PPM1E: variants seen among roughly 807,000 people sequenced by gnomAD.
PPM1E encodes the protein protein phosphatase 1E.
PPM1E carries 20 observed loss-of-function variants against 65.9 expected under a neutral mutation model. The ratio of observed to expected loss-of-function variants is 0.30; its 90% confidence interval spans 0.21 to 0.44. The LOEUF is 0.44. Among genes scored for constraint, PPM1E ranks in the 20% least tolerant of loss-of-function variants. The pLI is 1.00. For synonymous variants in PPM1E, 352 were observed against 374.9 expected (o/e 0.94, Z 0.70); for missense variants, 713 against 953.1 (o/e 0.75, Z 3.32).
At chr17:58,772,453 TA>T (rs879480951) in intron 1 of PPM1E, among the ~76,000 whole-genome samples, 732 of 139,148 alleles carry the variant, frequency 5.3e-3, no homozygotes, top group Admixed American at 4.8e-3. Context: ...AGACTCCATC[TA>T]AAAAAAAAAA....
At chr17:58,792,930 T>G (rs1389080176) in intron 1 of PPM1E, among the ~76,000 whole-genome samples, 1 of 151,034 alleles carries the variant, frequency 6.6e-6, no homozygotes, top group East Asian at 2.0e-4. Context: ...ATTTTTGTAT[T>G]TTTAGTAGAG....
At chr17:58,816,917 T>C (rs2050432178) in intron 1 of PPM1E, among the ~76,000 whole-genome samples, 1 of 149,970 alleles carries the variant, frequency 6.7e-6, no homozygotes, top group Non-Finnish European at 1.5e-5. Flanking sequence ...CACCTCAGCC[T>C]CCTGAGTAGC....
In PPM1E at chr17:58,841,020, G is replaced by GATATT. The variant is rs1451925869; in HGVS notation, c.464+84560_464+84564dup. ...TGTAGAACAAGGTATTCGGGAACAG[G>GATATT]ATATTGTGCAAACGGGATGTTTGTA... is the stretch of plus-strand genomic sequence containing the variant. On this transcript the variant is annotated intron_variant, in intron 1 of 6. Transcript: ENST00000308249. 4.6e-5 allele frequency among the ~76,000 whole-genome samples: 7 copies of GATATT among 152,290 alleles called. No homozygotes were observed. In the East Asian group the frequency reaches 1.4e-3, roughly 29 times the overall value.
At chr17:58,823,720 A>G (rs2050503547) in intron 1 of PPM1E, among the ~76,000 whole-genome samples, 1 of 152,162 alleles carries the variant, frequency 6.6e-6, no homozygotes, top group Admixed American at 6.6e-5. Context: ...GAGGTGCAGA[A>G]TTTAAATTTA....
At chr17:58,767,645 T>G (rs1026387388) in intron 1 of PPM1E, among the ~76,000 whole-genome samples, 3 of 152,082 alleles carry the variant, frequency 2.0e-5, no homozygotes, top group Non-Finnish European at 2.9e-5. Flanking sequence ...AATTATTTAT[T>G]TATTTATTTA....
At chr17:58,805,233 T>C (rs893078187) in intron 1 of PPM1E, among the ~76,000 whole-genome samples, 2 of 152,256 alleles carry the variant, frequency 1.3e-5, no homozygotes, top group Admixed American at 1.3e-4. Context: ...GTATACACTA[T>C]ACCCAATGTG....
rs919919439 is a variant in PPM1E at position 58,983,079 on chromosome 17, A to G, written c.*2048A>G. The G allele has an allele frequency of 1.6e-6, 1 of 632,764 alleles. No homozygotes were observed. The highest frequency in any genetic ancestry group is 1.9e-5 in the African/African-American group (1 of 53,836). 39.2% of individuals were successfully genotyped at this position (632,764 alleles called of 1,614,324 possible). A position where few individuals can be genotyped will look rare whatever the true frequency, so the allele number is the denominator to read the frequency against. On this transcript the variant is annotated 3_prime_UTR_variant, in exon 7 of 7. Coordinates refer to ENST00000308249, the MANE Select transcript of PPM1E (RefSeq NM_014906.5). ...GAGGGTAAAGGGAAAAAGTTACTAC[A>G]CATGCTAGGCTTTCTCAGTGGGGAA...
intron 1 of PPM1E, among the ~76,000 whole-genome samples, chr17:58,868,730 C>G (rs1321435199): frequency 6.6e-6 from 1 of 151,984 alleles, no homozygotes; most frequent in Non-Finnish European, 1.5e-5. Flanking sequence ...TCCTTTTCTT[C>G]CTTGGTTAGG....
intron 1 of PPM1E, among the ~76,000 whole-genome samples, chr17:58,830,427 C>G (rs934195899): frequency 1.1e-4 from 16 of 151,814 alleles, no homozygotes; most frequent in African/African-American, 3.6e-4. Context: ...CCTGCCTCAG[C>G]CTCCCGAGTA....
At chr17:58,770,472 C>T (rs1412475380) in intron 1 of PPM1E, among the ~76,000 whole-genome samples, 2 of 152,030 alleles carry the variant, frequency 1.3e-5, no homozygotes, top group Non-Finnish European at 2.9e-5. Flanking sequence ...CTGTAGTACA[C>T]TATGATTGCA....
At chr17:58,917,548 C>T (rs2051698498) in intron 1 of PPM1E, among the ~76,000 whole-genome samples, 1 of 152,218 alleles carries the variant, frequency 6.6e-6, no homozygotes, top group African/African-American at 2.4e-5. Context: ...GACAGTAGCT[C>T]TCTGCAATCA....
In PPM1E at chr17:58,980,831, T is replaced by C. The variant is rs780412050; in HGVS notation, c.2068T>C (p.Phe690Leu). 1.5e-5 allele frequency: 25 copies of C among 1,614,036 alleles called. 1 individual carries two copies. The East Asian group carries it at 2.4e-4, about 16-fold the overall frequency. Residue 690 changes from phenylalanine to leucine, a missense_variant, in exon 7 of 7, where the codon TTT becomes CTT. By Grantham distance (22) the Phe-to-Leu change is conservative. This residue lies in a region of PPM1E where 286 missense variants were observed against 313.8 expected (regional missense o/e 0.91). Coordinates refer to ENST00000308249, the MANE Select transcript of PPM1E (RefSeq NM_014906.5). The surrounding 1 kb of genome is among the most constrained non-coding windows in gnomAD (Gnocchi z 4.7). ...RFRFNPKFYS[F>L]LSAQEPSHKI... ...CAGGTTTAATCCAAAGTTTTATTCA[T>C]TTCTCTCTGCTCAAGAGCCTTCCCA...
chr17:58,795,009 C>T (rs925620488), intron 1 of PPM1E, among the ~76,000 whole-genome samples: 1 of 151,828 alleles, frequency 6.6e-6, no homozygotes, highest in East Asian at 1.9e-4. Flanking sequence ...GTGCCTCAGC[C>T]TCCCAAGTAG....
intron 1 of PPM1E, among the ~76,000 whole-genome samples, chr17:58,921,664 CA>C (rs1219765618): frequency 0.039 from 3,261 of 84,146 alleles, 100 homozygotes; most frequent in African/African-American, 0.12. Flanking sequence ...GACTCTATCT[CA>C]AAAAAAAAAA....
chr17:58,985,084 G>C lies in PPM1E; in HGVS notation c.*4053G>C, dbSNP rs1318605290. On this transcript the variant is annotated 3_prime_UTR_variant, in exon 7 of 7. Transcript: ENST00000308249. The stretch of plus-strand genomic sequence containing the variant: ...CTTTTGAGTTCAGTTGTAGTCATGA[G>C]TGATCCTTCATATTTTATTAAAAGT... The C allele has an allele frequency of 1.3e-5, 2 of 152,618 alleles. No individual in the cohort carries two copies. The allele number at this position is 152,618 out of a possible 1,614,324, so 9.5% of individuals were successfully genotyped here.
At chr17:58,919,765 C>T (rs368779572) in intron 1 of PPM1E, among the ~76,000 whole-genome samples, 24 of 151,560 alleles carry the variant, frequency 1.6e-4, no homozygotes, top group South Asian at 6.2e-4. Context: ...CCAGCCTGAA[C>T]GACAAGAATG....
In PPM1E at chr17:58,831,019, C is replaced by T. The variant is rs891508257; in HGVS notation, c.464+74558C>T. On this transcript the variant is annotated intron_variant, in intron 1 of 6. Coordinates refer to ENST00000308249, the MANE Select transcript of PPM1E (RefSeq NM_014906.5). The stretch of plus-strand genomic sequence containing the variant: ...CTTACTTTATCTTTTTTTTTTTTTT[C>T]GTTTTTTTGAGATGGAGTCTCACTC... 2.6e-3 allele frequency among the ~76,000 whole-genome samples: 207 copies of T among 79,614 alleles called. 1 individual carries two copies. The Middle Eastern group carries it at 0.028, about 11-fold the overall frequency. The allele number at this position is 79,614 out of a possible 152,430, so 52.2% of individuals were successfully genotyped here.
Position 58,981,031 on chromosome 17 carries a change from A to T in PPM1E, c.2268A>T (p.Ter756TyrextTer7). 1 of 1,576,978 alleles carries T rather than the reference A, an allele frequency of 6.3e-7. No individual in the cohort carries two copies. Among genetic ancestry groups the T allele is most frequent in the Non-Finnish European group, 8.6e-7 (1 of 1,166,130 alleles). Residue 756 changes from the stop codon to tyrosine (Y), a stop_lost, in exon 7 of 7, where the codon TAA becomes TAT. Coordinates refer to ENST00000308249, the MANE Select transcript of PPM1E (RefSeq NM_014906.5). ...PDLPWSYKIE* is the reference protein window; with the variant it reads ...PDLPWSYKIEY Reference sequence around the variant, plus strand: ...TTCCTTGGAGCTATAAAATAGAATAATTTTTCTTTCAAGTAGGTTAGCTAG... The same window carrying T: ...TTCCTTGGAGCTATAAAATAGAATATTTTTTCTTTCAAGTAGGTTAGCTAG...
At chr17:58,977,963 G>C (rs545951573) in intron 6 of PPM1E, among the ~76,000 whole-genome samples, 1 of 152,124 alleles carries the variant, frequency 6.6e-6, no homozygotes, top group Non-Finnish European at 1.5e-5. Context: ...GGCTGGCTTC[G>C]TACTCCCGAC....
Sources: allele counts gnomAD v4.1 joint callset (sites outside exome capture counted in the v4.1 genomes callset), GRCh38; gene constraint gnomAD v4.1.1; regional missense constraint gnomAD v4.1.1; non-coding constraint Gnocchi (gnomAD v3.1); transcripts MANE v1.5; gene names NCBI Gene and HGNC (gene_info 2026-07-23, HGNC 2026-07-21).